The following DOCK7 variants were observed in gnomAD, a reference collection of about 807,000 sequenced individuals.
DOCK7 encodes dedicator of cytokinesis protein 7.
Under a neutral mutation model 271.0 loss-of-function variants are expected in DOCK7, and 138 were observed. That is an observed-to-expected ratio of 0.51 (90% confidence interval 0.44 to 0.59). The LOEUF (loss-of-function observed/expected upper bound fraction) is 0.59. Ranked by LOEUF, DOCK7 falls within the 20% of genes least tolerant of loss-of-function variation. DOCK7 has a pLI of 0.00. For missense variants in DOCK7, 2,066 were observed against 2,592.4 expected, an observed-to-expected ratio of 0.80 and a Z score of 4.41; for synonymous variants, 823 against 876.1, an observed-to-expected ratio of 0.94 and a Z score of 1.07.
intron 14 of DOCK7, among the ~76,000 whole-genome samples, chr1:62,597,267 T>C (rs1246421706): frequency 6.6e-6 from 1 of 152,144 alleles, no homozygotes; most frequent in Non-Finnish European, 1.5e-5. Context: ...AATTAGCTTT[T>C]AAAAACAGGT....
At chr1:62,546,048 G>A (rs548727269) in intron 22 of DOCK7, among the ~76,000 whole-genome samples, 38 of 152,266 alleles carry the variant, frequency 2.5e-4, no homozygotes, top group Admixed American at 6.5e-4. Context: ...ACAAGCTGAT[G>A]TAAACATATC....
At chr1:62,685,780 T>C (rs1321088097) in intron 1 of DOCK7, among the ~76,000 whole-genome samples, 2 of 152,180 alleles carry the variant, frequency 1.3e-5, no homozygotes, top group Admixed American at 6.5e-5. Flanking sequence ...ACTGCCACCA[T>C]CATCCACGTG....
intron 18 of DOCK7, among the ~76,000 whole-genome samples, chr1:62,575,466 TTCCTC>T (rs1327670516): frequency 6.6e-6 from 1 of 152,212 alleles, no homozygotes; most frequent in Non-Finnish European, 1.5e-5. Context: ...AACATTTTCT[TTCCTC>T]TATATCACTT....
At chr1:62,648,038 A>G (rs949827343) in intron 6 of DOCK7, 68 bp downstream of exon 6, 23 of 1,426,884 alleles carry the variant, frequency 1.6e-5, no homozygotes, top group Admixed American at 3.4e-5. Context: ...GTAATACTAT[A>G]TATCAATCAT....
intron 10 of DOCK7, among the ~76,000 whole-genome samples, chr1:62,632,714 C>T (rs1237254705): frequency 6.6e-6 from 1 of 152,138 alleles, no homozygotes; most frequent in East Asian, 1.9e-4. Context: ...TGGTGGCTCA[C>T]ATCTGTAATC....
intron 14 of DOCK7, among the ~76,000 whole-genome samples, chr1:62,618,472 A>G (rs531793793): frequency 6.6e-6 from 1 of 152,288 alleles, no homozygotes; most frequent in South Asian, 2.1e-4. Flanking sequence ...AATCCACCTC[A>G]AATAATGAGG....
In DOCK7 at chr1:62,642,350, C is replaced by T. The variant is rs571151008; in HGVS notation, c.818+5341G>A. On this transcript the variant is annotated intron_variant, in intron 7 of 49. Coordinates refer to ENST00000635253, the MANE Select transcript of DOCK7 (RefSeq NM_001367561.1). ...AACTCCTGACCTCAGGTGATCTGTCCGCCTCGGCCTCCCAAAGTGCTGGGA... is the reference window on the plus strand; with the variant it reads ...AACTCCTGACCTCAGGTGATCTGTCTGCCTCGGCCTCCCAAAGTGCTGGGA... 3.1e-4 allele frequency among the ~76,000 whole-genome samples: 47 copies of T among 152,074 alleles called. No individual in the cohort carries two copies. The East Asian group carries it at 5.2e-3, about 17-fold the overall frequency.
chr1:62,620,883 C>CAAA (rs767181280), intron 12 of DOCK7, among the ~76,000 whole-genome samples: 8 of 31,104 alleles, frequency 2.6e-4, no homozygotes, highest in African/African-American at 4.7e-4. Context: ...GACTCCGTCT[C>CAAA]AAAAAAAAAA....
intron 1 of DOCK7, among the ~76,000 whole-genome samples, chr1:62,683,650 A>C (rs1402151454): frequency 2.0e-5 from 3 of 152,156 alleles, no homozygotes; most frequent in Non-Finnish European, 4.4e-5. Context: ...AGTCAAATAA[A>C]AAGAGTAGGC....
intron 1 of DOCK7, among the ~76,000 whole-genome samples, chr1:62,682,551 A>T (rs541530076): frequency 6.6e-6 from 1 of 152,188 alleles, no homozygotes; most frequent in African/African-American, 2.4e-5. Flanking sequence ...GTAACTTTTT[A>T]AAAAAACAGC....
At chr1:62,516,703 G>A (rs1444718142) in intron 31 of DOCK7, 1 of 152,096 alleles carries the variant, frequency 6.6e-6, no homozygotes, top group African/African-American at 2.4e-5. Context: ...TCCCCAGTTT[G>A]TGTCTACCAC....
rs575284766 is a variant in DOCK7, at chr1:62,583,344, T to C, written c.1801-90A>G. The C allele has an allele frequency of 1.4e-4, 176 of 1,270,916 alleles. 1 individual carries two copies. The African/African-American group carries it at 2.2e-3, about 16-fold the overall frequency. 78.7% of individuals were successfully genotyped at this position (1,270,916 alleles called of 1,614,324 possible). A position where few individuals can be genotyped will look rare whatever the true frequency, so the allele number is the denominator to read the frequency against. On this transcript the variant is annotated intron_variant, in intron 15 of 49. Coordinates refer to ENST00000635253, the MANE Select transcript of DOCK7 (RefSeq NM_001367561.1). ...AAGAATTTGTCTGATTTAATAACTA[T>C]TTGAGAAAAATGGGCAAAATCAGCC...
intron 15 of DOCK7, chr1:62,584,753 T>C: frequency 1.2e-6 from 1 of 820,782 alleles, no homozygotes; most frequent in Non-Finnish European, 2.1e-6. Context: ...CACAATCTAA[T>C]GGGTGAAATT....
intron 7 of DOCK7, among the ~76,000 whole-genome samples, chr1:62,645,541 G>C (rs911152751): frequency 2.6e-5 from 4 of 152,242 alleles, no homozygotes; most frequent in African/African-American, 9.6e-5. Flanking sequence ...AGGAAAAGAG[G>C]CACTTACTAT....
chr1:62,528,321 C>A lies in DOCK7; in HGVS notation c.3782-16G>T, dbSNP rs1157369743. ...TTGTGAGTTTCTAAAGAAAAATAAT[C>A]CAAAAAAATAAATAAAACTGTTTAG... On this transcript the variant is annotated splice_polypyrimidine_tract_variant and intron_variant, in intron 30 of 49. Coordinates refer to ENST00000635253, the MANE Select transcript of DOCK7 (RefSeq NM_001367561.1). 1.9e-6 allele frequency: 3 copies of A among 1,594,822 alleles called. No homozygotes were observed. Among genetic ancestry groups the A allele is most frequent in the Admixed American group, 1.7e-5 (1 of 57,574 alleles).
Position 62,604,021 on chromosome 1 carries a change from T to C in DOCK7, c.1682+14685A>G, listed in dbSNP as rs1650553683. 1.9e-6 allele frequency: 3 copies of C among 1,613,084 alleles called. No individual in the cohort carries two copies. The East Asian group carries it at 6.7e-5, about 36-fold the overall frequency. Reference sequence around the variant, plus strand: ...TATACTCCATAGTGAAGCAATCTAATTATGTTTTACGAATTGAGTTGGAAG... The same window carrying C: ...TATACTCCATAGTGAAGCAATCTAACTATGTTTTACGAATTGAGTTGGAAG... On this transcript the variant is annotated intron_variant, in intron 14 of 49. Coordinates refer to ENST00000635253, the MANE Select transcript of DOCK7 (RefSeq NM_001367561.1).
intron 48 of DOCK7, among the ~76,000 whole-genome samples, chr1:62,459,664 GA>G (rs1364208385): frequency 6.6e-6 from 1 of 151,668 alleles, no homozygotes; most frequent in Admixed American, 6.6e-5. Flanking sequence ...ACTCAATGAA[GA>G]AAAAAATGGC....
intron 42 of DOCK7, 38 bp from the exon 43 acceptor site, chr1:62,487,450 A>T (rs530237404): frequency 6.2e-7 from 1 of 1,604,134 alleles, no homozygotes; most frequent in South Asian, 1.1e-5. Flanking sequence ...AGTCATAAAA[A>T]AACTGTTTGA....
intron 9 of DOCK7, chr1:62,634,502 G>A: frequency 4.5e-6 from 1 of 220,338 alleles, no homozygotes; most frequent in Non-Finnish European, 8.7e-6. Context: ...CATACTTCCT[G>A]ATATGAAAAT....
Sources: allele counts gnomAD v4.1 joint callset (sites outside exome capture counted in the v4.1 genomes callset), GRCh38; gene constraint gnomAD v4.1.1; transcripts MANE v1.5; gene names NCBI Gene and HGNC (gene_info 2026-07-23, HGNC 2026-07-21).